VTI1A: variants seen among roughly 807,000 people sequenced by gnomAD.
VTI1A encodes the protein vesicle transport through interaction with t-SNAREs 1A, also known as vesicle transport through interaction with t-SNAREs homolog 1A.
In VTI1A, 22 loss-of-function variants were observed where a neutral mutation model predicts 34.9. The ratio of observed to expected loss-of-function variants is 0.63; its 90% CI spans 0.45 to 0.90. The LOEUF is 0.90. VTI1A is among the 40% of genes least tolerant of loss of function. The pLI, the probability that VTI1A is intolerant of heterozygous loss-of-function variation, is 0.00. For missense variants in VTI1A, 268 were observed against 275.6 expected, an observed-to-expected ratio of 0.97 and a Z score of 0.20; for synonymous variants, 87 against 97.3, an observed-to-expected ratio of 0.89 and a Z score of 0.62.
At chr10:112,781,133 C>T (rs894177755) in intron 7 of VTI1A, among the ~76,000 whole-genome samples, 3 of 151,966 alleles carry the variant, frequency 2.0e-5, no homozygotes, top group Non-Finnish European at 4.4e-5. Context: ...TTAGTAGAGG[C>T]GGGGTTTCAC....
At chr10:112,524,099 A>T (rs117823119) in intron 3 of VTI1A, among the ~76,000 whole-genome samples, 31 of 152,210 alleles carry the variant, frequency 2.0e-4, no homozygotes, top group Middle Eastern at 3.4e-3. Flanking sequence ...TCCATAAAAT[A>T]AGCAGTTTGT....
rs192591717 is a variant in VTI1A at position 112,803,864 on chromosome 10, C to A, written c.561-11426C>A. 7.2e-5 allele frequency among the ~76,000 whole-genome samples: 11 copies of A among 152,366 alleles called. No individual in the cohort carries two copies. In the East Asian group the frequency reaches 1.9e-3, roughly 27 times the overall value. ...CCTGTGAGGAGTTAAATATACCTTG[C>A]ATTTCTAGAACATCCTTATTTAATT... On this transcript the variant is annotated intron_variant, in intron 7 of 7. Transcript: ENST00000393077.
At chr10:112,716,007 T>G (rs1562187) in intron 7 of VTI1A, among the ~76,000 whole-genome samples, 1 of 151,942 alleles carries the variant, frequency 6.6e-6, no homozygotes. Context: ...GCACTCGGGA[T>G]GCGCATCAGC....
chr10:112,617,927 G>T (rs1845566805), intron 5 of VTI1A, among the ~76,000 whole-genome samples: 1 of 152,122 alleles, frequency 6.6e-6, no homozygotes, highest in Non-Finnish European at 1.5e-5. Context: ...GGCCGAGGTG[G>T]CTGGATTACC....
At chr10:112,449,320 C>T (rs954412906) in intron 1 of VTI1A, 1 of 152,190 alleles carries the variant, frequency 6.6e-6, no homozygotes, top group African/African-American at 2.4e-5. Context: ...AGCTGTTTTA[C>T]AAGGTAACAA....
At chr10:112,628,992 C>T (rs1430314508) in intron 5 of VTI1A, among the ~76,000 whole-genome samples, 1 of 152,100 alleles carries the variant, frequency 6.6e-6, no homozygotes, top group Admixed American at 6.5e-5. Flanking sequence ...TTAAAATAGA[C>T]CCATTACCTC....
intron 5 of VTI1A, among the ~76,000 whole-genome samples, chr10:112,659,655 A>G (rs1240660116): frequency 6.6e-6 from 1 of 152,244 alleles, no homozygotes; most frequent in African/African-American, 2.4e-5. Flanking sequence ...ATACTCAGCT[A>G]CTGAGAAGGT....
At chr10:112,631,209 T>C (rs1358953446) in intron 5 of VTI1A, among the ~76,000 whole-genome samples, 1 of 151,980 alleles carries the variant, frequency 6.6e-6, no homozygotes, top group East Asian at 2.0e-4. Context: ...GATAAGAGCG[T>C]AGTATAGAGT....
intron 7 of VTI1A, among the ~76,000 whole-genome samples, chr10:112,681,296 A>G (rs7910867): frequency 0.43 from 65,990 of 151,738 alleles, 15,917 homozygotes; most frequent in African/African-American, 0.63. Flanking sequence ...GCCAAGGCTG[A>G]TCTCAAACTC....
chr10:112,822,811 G>A (rs1480152773), downstream of VTI1A, among the ~76,000 whole-genome samples: 4 of 152,152 alleles, frequency 2.6e-5, no homozygotes, highest in African/African-American at 9.7e-5. Context: ...AAGCATGAGA[G>A]GTGTAAGCAG....
At chr10:112,754,631 A>G (rs1265680165) in intron 7 of VTI1A, among the ~76,000 whole-genome samples, 1 of 152,218 alleles carries the variant, frequency 6.6e-6, no homozygotes, top group African/African-American at 2.4e-5. Flanking sequence ...GCTGCAAGAA[A>G]TCACCTAACA....
chr10:112,787,900 C>T (rs1391105781), intron 7 of VTI1A, among the ~76,000 whole-genome samples: 1 of 151,418 alleles, frequency 6.6e-6, no homozygotes, highest in Non-Finnish European at 1.5e-5. Flanking sequence ...CGGGGTTTCA[C>T]CATATTGGCC....
At chr10:112,772,651 T>C (rs769819592) in intron 7 of VTI1A, among the ~76,000 whole-genome samples, 12 of 152,252 alleles carry the variant, frequency 7.9e-5, no homozygotes, top group Non-Finnish European at 1.6e-4. Flanking sequence ...TGTTATCTTC[T>C]AAGGGAATTA....
intron 5 of VTI1A, among the ~76,000 whole-genome samples, chr10:112,607,338 G>A (rs958939143): frequency 6.6e-6 from 1 of 151,462 alleles, no homozygotes; most frequent in Non-Finnish European, 1.5e-5. Context: ...GGCTGTCCAA[G>A]ACCATATAGG....
chr10:112,486,681 C>CAGTT (rs1848645827), intron 3 of VTI1A, among the ~76,000 whole-genome samples: 1 of 44,070 alleles, frequency 2.3e-5, no homozygotes, highest in African/African-American at 8.2e-5. Context: ...GAATATACAA[C>CAGTT]TTATATTTAG....
chr10:112,538,171 AT>A (rs34676462), intron 4 of VTI1A, 74 bp from the exon 5 acceptor site: 16,917 of 1,061,408 alleles, frequency 0.016, no homozygotes, highest in South Asian at 0.022. Flanking sequence ...ATACGAAGGC[AT>A]TTTTTTTTTA....
chr10:112,737,665 A>G (rs983678214), intron 7 of VTI1A: 2 of 1,053,782 alleles, frequency 1.9e-6, no homozygotes, highest in African/African-American at 3.3e-5. Context: ...ATAGAACAAG[A>G]GCACTCCATC....
At position 112,593,903 on chromosome 10, in the gene VTI1A, A is replaced by AT. The variant is rs1554914706; in HGVS notation, c.427+55583dup. The stretch of plus-strand genomic sequence containing the variant: ...AGGTGCCCGCCACCACGCCCGGCTA[A>AT]TTTTTTTTTTATTATTATTATTTTG... On this transcript the variant is annotated intron_variant, in intron 5 of 7. Transcript: ENST00000393077. Among the ~76,000 whole-genome samples the AT allele has an allele frequency of 6.8e-3, 529 of 78,132 alleles. 4 individuals are homozygous for AT. Among genetic ancestry groups the AT allele is most frequent in the African/African-American group, 0.022 (509 of 23,572 alleles). The allele number at this position is 78,132 out of a possible 152,430, so 51.3% of individuals were successfully genotyped here.
At chr10:112,639,019 C>A (rs919850439) in intron 5 of VTI1A, among the ~76,000 whole-genome samples, 2 of 152,070 alleles carry the variant, frequency 1.3e-5, no homozygotes, top group African/African-American at 4.8e-5. Context: ...GAAAAACACT[C>A]AATTTATCAA....
Sources: gnomAD v4.1 joint callset for allele counts (sites outside exome capture counted in the v4.1 genomes callset) on GRCh38, gnomAD v4.1.1 for gene constraint, MANE v1.5 for transcripts, NCBI Gene and HGNC (gene_info 2026-07-23, HGNC 2026-07-21) for gene names.